Variants in LARGE1 observed in about 807,000 individuals in gnomAD.
The protein encoded by LARGE1 is LARGE xylosyl- and glucuronyltransferase 1.
LARGE1 carries 43 observed loss-of-function variants against 87.6 expected under a neutral mutation model. That is an observed-to-expected ratio of 0.49 (90% CI 0.38 to 0.63). The LOEUF (loss-of-function observed/expected upper bound fraction) is 0.63, where lower values mean the gene tolerates loss of function less well. LARGE1 is among the 30% of genes least tolerant of loss of function. The pLI is 0.00. For missense variants in LARGE1, 802 were observed against 1,000.2 expected, an observed-to-expected ratio of 0.80 and a Z score of 2.67; for synonymous variants, 434 against 394.6, an observed-to-expected ratio of 1.10 and a Z score of -1.18.
At chr22:33,855,816 A>C (rs569182695) in intron 1 of LARGE1, among the ~76,000 whole-genome samples, 1 of 152,330 alleles carries the variant, frequency 6.6e-6, no homozygotes, top group Non-Finnish European at 1.5e-5. Context: ...AATAAAGCCC[A>C]TACCTGCCCT....
chr22:33,902,055 T>C (rs2029991445), intron 1 of LARGE1, among the ~76,000 whole-genome samples: 1 of 152,196 alleles, frequency 6.6e-6, no homozygotes, highest in Non-Finnish European at 1.5e-5. Flanking sequence ...CTTGATAAAG[T>C]GGAACGATGA....
intron 2 of LARGE1, among the ~76,000 whole-genome samples, chr22:33,685,973 C>T (rs952285142): frequency 2.0e-5 from 3 of 152,178 alleles, no homozygotes; most frequent in Non-Finnish European, 2.9e-5. Context: ...AGCAGAGAAT[C>T]TGGCACAGGA....
intron 2 of LARGE1, among the ~76,000 whole-genome samples, chr22:33,691,093 A>G (rs1206397380): frequency 1.3e-5 from 2 of 151,978 alleles, no homozygotes; most frequent in Non-Finnish European, 2.9e-5. Flanking sequence ...GAACAAATCA[A>G]CCTTTGGCTT....
the LARGE1 span, among the ~76,000 whole-genome samples, chr22:33,109,835 C>T: frequency 0.46 from 69,829 of 151,914 alleles, 18,080 homozygotes; most frequent in Non-Finnish European, 0.59. Context: ...TTCTTGCTCC[C>T]GCTCTTGCCA....
rs182874546 is a variant in LARGE1, at chr22:33,565,323, A to C, written c.616-304T>G. Among the ~76,000 whole-genome samples, 332 of 152,324 alleles carry C rather than the reference A, an allele frequency of 2.2e-3. 1 individual carries two copies. The highest frequency in any genetic ancestry group is 1.6e-3 in the Non-Finnish European group (108 of 68,030). ...TTTTGTTATTATAGAAATTAAATAG[A>C]TCCACTAGAGAAAAAAAGGATATGC... On this transcript the variant is annotated intron_variant, in intron 5 of 14. Coordinates refer to ENST00000397394, the MANE Select transcript of LARGE1 (RefSeq NM_133642.5).
At chr22:33,672,392 C>G (rs1420056936) in intron 2 of LARGE1, among the ~76,000 whole-genome samples, 1 of 152,214 alleles carries the variant, frequency 6.6e-6, no homozygotes, top group Non-Finnish European at 1.5e-5. Context: ...CAAGCCTAAC[C>G]TCTTGCCCCC....
chr22:33,595,486 T>G (rs988077123), intron 5 of LARGE1, among the ~76,000 whole-genome samples: 1 of 152,082 alleles, frequency 6.6e-6, no homozygotes, highest in Non-Finnish European at 1.5e-5. Flanking sequence ...GGAGACACAA[T>G]GGGGAGCACA....
the LARGE1 span, among the ~76,000 whole-genome samples, chr22:33,132,492 A>G: frequency 6.6e-6 from 1 of 151,128 alleles, no homozygotes; most frequent in Non-Finnish European, 1.5e-5. Flanking sequence ...CTCCATAACT[A>G]TTTAAATATA....
chr22:33,513,135 C>T (rs1307374345), intron 6 of LARGE1, among the ~76,000 whole-genome samples: 1 of 152,020 alleles, frequency 6.6e-6, no homozygotes, highest in Non-Finnish European at 1.5e-5. Flanking sequence ...ATTAATCAAA[C>T]CACTAGAAGT....
chr22:33,819,974 C>T (rs186567560), intron 1 of LARGE1, among the ~76,000 whole-genome samples: 1 of 152,296 alleles, frequency 6.6e-6, no homozygotes, highest in East Asian at 1.9e-4. Context: ...GCTGGCTGGA[C>T]ATCAGTGTCT....
intron 11 of LARGE1, among the ~76,000 whole-genome samples, chr22:33,211,362 G>T (rs1412036388): frequency 6.6e-6 from 1 of 152,196 alleles, no homozygotes; most frequent in Non-Finnish European, 1.5e-5. Context: ...TCAAAAGCTA[G>T]AAATGATTAC....
At chr22:33,482,677 C>A (rs1376105254) in intron 6 of LARGE1, among the ~76,000 whole-genome samples, 1 of 151,920 alleles carries the variant, frequency 6.6e-6, no homozygotes, top group Non-Finnish European at 1.5e-5. Context: ...CCTGCACGTT[C>A]TGCACATGTA....
At position 33,326,048 on chromosome 22, in the gene LARGE1, C is replaced by T. The variant is rs139074367; in HGVS notation, c.1288-9800G>A. On this transcript the variant is annotated intron_variant, in intron 10 of 14. Transcript: ENST00000397394. ...GGCAGAAAAAGCTCACGACCTTCCTCGTTGCCTGCTGTGTGTATTAATCAA... is the reference window on the plus strand; with the variant it reads ...GGCAGAAAAAGCTCACGACCTTCCTTGTTGCCTGCTGTGTGTATTAATCAA... Among the ~76,000 whole-genome samples the T allele has an allele frequency of 3.2e-3, 492 of 152,260 alleles. 3 individuals carry two copies. Among genetic ancestry groups the T allele is most frequent in the African/African-American group, 0.011 (463 of 41,552 alleles).
chr22:33,446,098 C>T (rs115879164), intron 6 of LARGE1, among the ~76,000 whole-genome samples: 1,825 of 152,316 alleles, frequency 0.012, 40 homozygotes, highest in African/African-American at 0.041. Context: ...GAATTGATCA[C>T]CAATCATTAC....
rs575387540 is a variant in LARGE1 at position 33,845,362 on chromosome 22, G to A, written c.-83+74633C>T. Among the ~76,000 whole-genome samples the A allele has an allele frequency of 4.5e-4, 68 of 152,288 alleles. 1 individual carries two copies. The highest frequency in any genetic ancestry group is 3.4e-3 in the Middle Eastern group (1 of 294). On this transcript the variant is annotated intron_variant, in intron 1 of 14. Coordinates refer to ENST00000397394, the MANE Select transcript of LARGE1 (RefSeq NM_133642.5). ...TCACTCTTGTTGCCCAGGCTGGAGT[G>A]TAATGGCACGATCTCAGCTCACCGC...
intron 11 of LARGE1, among the ~76,000 whole-genome samples, chr22:33,260,164 AG>A (rs1311208946): frequency 6.6e-5 from 10 of 152,036 alleles, no homozygotes; most frequent in Non-Finnish European, 1.5e-4. Context: ...AACCCCGCAA[AG>A]CCTCTTGCCC....
intron 7 of LARGE1, among the ~76,000 whole-genome samples, chr22:33,388,132 T>C (rs2065394119): frequency 6.6e-6 from 1 of 152,272 alleles, no homozygotes; most frequent in Non-Finnish European, 1.5e-5. Flanking sequence ...ACTATGTTAG[T>C]ATTTCCTATC....
At chr22:33,309,130 T>C (rs1173234638) in intron 11 of LARGE1, among the ~76,000 whole-genome samples, 1 of 151,562 alleles carries the variant, frequency 6.6e-6, no homozygotes, top group Non-Finnish European at 1.5e-5. Context: ...GGGGGGTGAT[T>C]AGGTCATGAG....
chr22:33,517,872 C>T (rs1415031395), intron 6 of LARGE1, among the ~76,000 whole-genome samples: 2 of 152,194 alleles, frequency 1.3e-5, no homozygotes, highest in Non-Finnish European at 2.9e-5. Context: ...CCTGGGTCAA[C>T]AAGAGCAGCT....
Sources: allele counts gnomAD v4.1 joint callset (sites outside exome capture counted in the v4.1 genomes callset), GRCh38; gene constraint gnomAD v4.1.1; transcripts MANE v1.5; gene names NCBI Gene and HGNC (gene_info 2026-07-23, HGNC 2026-07-21).